The following STIM2 variants were observed in gnomAD, a reference collection of about 807,000 sequenced individuals.
STIM2 encodes stromal interaction molecule 2.
Under a neutral mutation model 85.8 loss-of-function variants are expected in STIM2, and 31 were observed. The observed-to-expected ratio is 0.36, with a 90% CI of 0.27 to 0.49. The LOEUF (loss-of-function observed/expected upper bound fraction) is 0.49, where lower values mean the gene tolerates loss of function less well. STIM2 is among the 20% of genes least tolerant of loss of function. The probability of loss-of-function intolerance (pLI) is 0.98; values close to 1 mark genes in which losing one functional copy is unlikely to be tolerated. For synonymous variants in STIM2, 356 were observed against 331.1 expected, an observed-to-expected ratio of 1.08 and a Z score of -0.82; for missense variants, 841 against 927.6, an observed-to-expected ratio of 0.91 and a Z score of 1.21.
At chr4:27,006,101 C>G (rs1256934806) in intron 7 of STIM2, among the ~76,000 whole-genome samples, 1 of 152,110 alleles carries the variant, frequency 6.6e-6, no homozygotes, top group East Asian at 1.9e-4. Flanking sequence ...CAGTATTGTC[C>G]CAAGCCATTG....
At chr4:26,910,239 C>T (rs1326850611) in intron 1 of STIM2, among the ~76,000 whole-genome samples, 2 of 151,878 alleles carry the variant, frequency 1.3e-5, no homozygotes, top group South Asian at 2.1e-4. Flanking sequence ...ATTAGAAAGC[C>T]GGCTGGTCAC....
chr4:27,017,755 CTGTGCCGTTCACGCCGCAGCAT>C lies in STIM2; in HGVS notation c.1543_1564del (p.Ser515ProfsTer79), dbSNP rs1286506047. 1 of 1,614,156 alleles carries C rather than the reference CTGTGCCGTTCACGCCGCAGCAT, an allele frequency of 6.2e-7. No individual in the cohort carries two copies. The highest frequency in any genetic ancestry group is 1.1e-5 in the South Asian group (1 of 91,080). On this transcript the variant is annotated frameshift_variant, in exon 11 of 12. Transcript: ENST00000467087. LOFTEE classifies it high-confidence loss of function. The stretch of plus-strand genomic sequence containing the variant: ...TGGATCATTAGCCAGAAGCAGCAGC[CTGTGCCGTTCACGCCGCAGCAT>C]TGTGCCGTCCTCGCCTCAGCCTCAG...
At chr4:26,874,559 T>C (rs909235108) in intron 1 of STIM2, among the ~76,000 whole-genome samples, 1 of 152,232 alleles carries the variant, frequency 6.6e-6, no homozygotes, top group Non-Finnish European at 1.5e-5. Flanking sequence ...CTCATTTTGC[T>C]TAAGTATGAA....
At chr4:27,021,977 C>T (rs1216794280) in intron 11 of STIM2, among the ~76,000 whole-genome samples, 1 of 152,114 alleles carries the variant, frequency 6.6e-6, no homozygotes, top group African/African-American at 2.4e-5. Flanking sequence ...TTGCCCCTCC[C>T]CTCCACTGCC....
chr4:27,017,865 A>T lies in STIM2; in HGVS notation c.1644A>T (p.Gln548His). 4 of 1,614,040 alleles carry T rather than the reference A, an allele frequency of 2.5e-6. No individual in the cohort carries two copies. The highest frequency in any genetic ancestry group is 3.4e-6 in the Non-Finnish European group (4 of 1,179,994). Residue 548 changes from glutamine to histidine, a missense_variant, in exon 11 of 12, where the codon CAA becomes CAT. Gln to His is a conservative substitution (Grantham distance 24, BLOSUM62 0). Around this residue, in one of 3 missense-constraint regions of STIM2, gnomAD observed 293 missense variants for 284.5 expected, o/e 1.03. Coordinates refer to ENST00000467087, the MANE Select transcript of STIM2 (RefSeq NM_020860.4). ...ACCCTCGGCACCCTCACCACCCGCA[A>T]CACACACCACACTCCTTGCCTTCCC...
chr4:26,945,260 T>G (rs1324307059), intron 2 of STIM2, among the ~76,000 whole-genome samples: 2 of 152,206 alleles, frequency 1.3e-5, no homozygotes, highest in Non-Finnish European at 2.9e-5. Context: ...TTTGTGTCCC[T>G]GCAAAAGACA....
intron 3 of STIM2, among the ~76,000 whole-genome samples, chr4:26,961,376 CAT>C (rs1726462120): frequency 2.6e-5 from 4 of 152,178 alleles, no homozygotes; most frequent in Admixed American, 2.6e-4. Context: ...GGAAAAGTCA[CAT>C]GTGAAATGAT....
chr4:26,903,014 T>G (rs764844419), intron 1 of STIM2, among the ~76,000 whole-genome samples: 4 of 152,164 alleles, frequency 2.6e-5, no homozygotes, highest in Non-Finnish European at 1.5e-5. Context: ...GTCTTTGTGC[T>G]TGATAATGAA....
chr4:26,918,715 T>A (rs1724684999), intron 1 of STIM2, among the ~76,000 whole-genome samples: 3 of 152,178 alleles, frequency 2.0e-5, no homozygotes, highest in Admixed American at 2.0e-4. Context: ...TGTTAGCTAG[T>A]TATGTGCACA....
At chr4:26,946,689 AAATTTT>A (rs1418990775) in intron 2 of STIM2, among the ~76,000 whole-genome samples, 4 of 152,366 alleles carry the variant, frequency 2.6e-5, no homozygotes, top group African/African-American at 9.6e-5. Flanking sequence ...AAGCTGAAAC[AAATTTT>A]GAATGGCTTT....
intron 7 of STIM2, among the ~76,000 whole-genome samples, chr4:27,006,463 C>T (rs183988022): frequency 1.5e-4 from 23 of 152,280 alleles, no homozygotes; most frequent in Admixed American, 1.3e-3. Context: ...GTGCTCGACA[C>T]GCAGGATGCT....
intron 1 of STIM2, 37 bp from the exon 2 acceptor site, chr4:26,919,467 T>C (rs1413308763): frequency 1.2e-6 from 2 of 1,611,212 alleles, no homozygotes; most frequent in Non-Finnish European, 8.5e-7. Flanking sequence ...TTTGTTTTGG[T>C]ATGGCAAGTT....
chr4:26,899,424 T>TTC (rs1723835782), intron 1 of STIM2, among the ~76,000 whole-genome samples: 2 of 152,150 alleles, frequency 1.3e-5, no homozygotes, highest in Non-Finnish European at 2.9e-5. Flanking sequence ...GTATAAGTGT[T>TTC]TCACTACCTT....
At chr4:26,960,296 A>G (rs1726397739) in intron 3 of STIM2, among the ~76,000 whole-genome samples, 1 of 152,252 alleles carries the variant, frequency 6.6e-6, no homozygotes, top group South Asian at 2.1e-4. Context: ...AAGGTTGTTT[A>G]CTTGAATATA....
intron 2 of STIM2, among the ~76,000 whole-genome samples, chr4:26,939,553 A>G (rs542798499): frequency 6.6e-6 from 1 of 152,346 alleles, no homozygotes; most frequent in South Asian, 2.1e-4. Context: ...GATAATGAAT[A>G]TTTAAGAGCC....
intron 1 of STIM2, among the ~76,000 whole-genome samples, chr4:26,917,115 G>A (rs1724611750): frequency 6.6e-6 from 1 of 152,160 alleles, no homozygotes; most frequent in African/African-American, 2.4e-5. Flanking sequence ...CATAATCTTA[G>A]TTGTGTGGAC....
chr4:26,911,377 G>A (rs1226442167), intron 1 of STIM2, among the ~76,000 whole-genome samples: 1 of 152,130 alleles, frequency 6.6e-6, no homozygotes, highest in Non-Finnish European at 1.5e-5. Context: ...TTTTTGCTAG[G>A]GTCCAGGTAA....
intron 2 of STIM2, among the ~76,000 whole-genome samples, chr4:26,945,827 G>A (rs1725816525): frequency 6.6e-6 from 1 of 151,838 alleles, no homozygotes; most frequent in South Asian, 2.1e-4. Flanking sequence ...TTGTATTTGG[G>A]AACTTTTCGT....
chr4:26,933,496 C>T (rs982177213), intron 2 of STIM2, among the ~76,000 whole-genome samples: 2 of 151,972 alleles, frequency 1.3e-5, no homozygotes. Context: ...CTGATAGCAG[C>T]AAAAAGGAAA....
Sources: allele counts gnomAD v4.1 joint callset (sites outside exome capture counted in the v4.1 genomes callset), GRCh38; gene constraint gnomAD v4.1.1; regional missense constraint gnomAD v4.1.1; transcripts MANE v1.5; gene names NCBI Gene and HGNC (gene_info 2026-07-23, HGNC 2026-07-21).